Variants in AGAP1 observed in about 807,000 individuals in gnomAD.
The protein encoded by AGAP1 is ArfGAP with GTPase domain, ankyrin repeat and PH domain 1, also known as arf-GAP with GTPase, ANK repeat and PH domain-containing protein 1.
A neutral mutation model predicts 105.3 loss-of-function variants in AGAP1; 29 were observed. The ratio of observed to expected loss-of-function variants is 0.28; its 90% CI spans 0.21 to 0.38. The LOEUF is 0.38. AGAP1 is among the 10% of genes least tolerant of loss of function. AGAP1 has a pLI of 1.00. For synonymous variants in AGAP1, 509 were observed against 485.9 expected, an observed-to-expected ratio of 1.05 and a Z score of -0.63; for missense variants, 998 against 1,165.1, an observed-to-expected ratio of 0.86 and a Z score of 2.09.
At chr2:235,913,001 C>T (rs190409779) in intron 11 of AGAP1, among the ~76,000 whole-genome samples, 36 of 152,270 alleles carry the variant, frequency 2.4e-4, no homozygotes, top group Non-Finnish European at 7.3e-5. Context: ...TATCTGAGAA[C>T]TCCTTGTATA....
At position 236,014,281 on chromosome 2, in the gene AGAP1, C is replaced by T. The variant is rs1235321014; in HGVS notation, c.1646-22280C>T. Among the ~76,000 whole-genome samples the T allele has an allele frequency of 6.6e-6, 1 of 152,160 alleles. No individual in the cohort carries two copies. Among genetic ancestry groups the T allele is most frequent in the Admixed American group, 6.5e-5 (1 of 15,274 alleles). On this transcript the variant is annotated intron_variant, in intron 13 of 17. Coordinates refer to ENST00000304032, the MANE Select transcript of AGAP1 (RefSeq NM_001037131.3). This position sits in a 1 kb window ranked among gnomAD's most constrained non-coding sequence, Gnocchi z 6.3. ...TTGCTGCTGTAGGTATTGCCTGAAT[C>T]AAAATCTGTCTCGGGAAGACAACTT...
rs1944014496 is a variant in AGAP1, at chr2:235,557,626, T to G, written c.163+62777T>G. On this transcript the variant is annotated intron_variant, in intron 1 of 17. Transcript: ENST00000304032. The surrounding 1 kb of genome is among the most constrained non-coding windows in gnomAD (Gnocchi z 4.7). ...AGAAGCCCACTTAATCCTTCCAGCA[T>G]CCTGTCCTAGAACTTTCCCTGCTGT... Among the ~76,000 whole-genome samples the G allele has an allele frequency of 6.6e-6, 1 of 152,190 alleles. No individual in the cohort carries two copies. Among genetic ancestry groups the G allele is most frequent in the Non-Finnish European group, 1.5e-5 (1 of 68,026 alleles).
At chr2:235,677,078 T>A (rs1948781315) in intron 1 of AGAP1, among the ~76,000 whole-genome samples, 2 of 152,224 alleles carry the variant, frequency 1.3e-5, no homozygotes, top group South Asian at 4.1e-4. Context: ...GAACTGTGTT[T>A]CCCATCGTTG....
chr2:235,510,373 T>G (rs1482448527), intron 1 of AGAP1, among the ~76,000 whole-genome samples: 1 of 152,240 alleles, frequency 6.6e-6, no homozygotes, highest in African/African-American at 2.4e-5. Flanking sequence ...GTTACATATA[T>G]CCATAGCTTT....
At chr2:236,098,822 C>A (rs1259424767) in intron 16 of AGAP1, among the ~76,000 whole-genome samples, 1 of 151,694 alleles carries the variant, frequency 6.6e-6, no homozygotes, top group South Asian at 2.1e-4. Flanking sequence ...AACAGGGTCT[C>A]ATATTGACCA....
At chr2:236,029,684 TTTTC>T (rs1414876489) in intron 13 of AGAP1, among the ~76,000 whole-genome samples, 3 of 152,034 alleles carry the variant, frequency 2.0e-5, no homozygotes, top group Non-Finnish European at 4.4e-5. Context: ...CTTTCCTTCT[TTTTC>T]TTTTTCTTTT....
chr2:236,065,799 C>T (rs1163072381), intron 16 of AGAP1, among the ~76,000 whole-genome samples: 1 of 152,200 alleles, frequency 6.6e-6, no homozygotes, highest in African/African-American at 2.4e-5. Flanking sequence ...GCCTTAGGAC[C>T]CACCATCTAG....
At chr2:235,530,533 C>T (rs536994637) in intron 1 of AGAP1, among the ~76,000 whole-genome samples, 107 of 152,280 alleles carry the variant, frequency 7.0e-4, no homozygotes, top group African/African-American at 2.3e-3. Flanking sequence ...GAATTTGTTT[C>T]CTTGCTTTTT....
At position 235,954,196 on chromosome 2, in the gene AGAP1, G is replaced by A. The variant is rs141972486; in HGVS notation, c.1484-14266G>A. Among the ~76,000 whole-genome samples, 123 of 149,676 alleles carry A rather than the reference G, an allele frequency of 8.2e-4. 3 individuals are homozygous for A. In the East Asian group the frequency reaches 0.021, roughly 25 times the overall value. On this transcript the variant is annotated intron_variant, in intron 12 of 17. Coordinates refer to ENST00000304032, the MANE Select transcript of AGAP1 (RefSeq NM_001037131.3). ...AGAAGTTGCGGTGAGCCGAGGTCAC[G>A]CCATTGCACCCAGTGTGTGTGATAA...
chr2:236,023,476 G>C (rs1037799156), intron 13 of AGAP1, among the ~76,000 whole-genome samples: 1 of 152,094 alleles, frequency 6.6e-6, no homozygotes, highest in African/African-American at 2.4e-5. Flanking sequence ...TGTTAATAGG[G>C]GAAAAAGAAA....
intron 6 of AGAP1, among the ~76,000 whole-genome samples, chr2:235,755,649 T>G (rs2149743346): frequency 6.6e-6 from 1 of 152,354 alleles, no homozygotes; most frequent in African/African-American, 2.4e-5. Flanking sequence ...CCATGTTGGC[T>G]AGGCTGGTCT....
rs371095311 is a variant in AGAP1, at chr2:236,040,719, C to T, written c.1801-32C>T. 337 of 1,609,434 alleles carry T rather than the reference C, an allele frequency of 2.1e-4. 2 individuals carry two copies. Among genetic ancestry groups the T allele is most frequent in the Middle Eastern group, 4.3e-4 (2 of 4,646 alleles). The stretch of plus-strand genomic sequence containing the variant: ...ATGTGCGTTTCTCCCGGGGTGCTTA[C>T]GCCTTGTATTTGTGTCTTCCTCCGT... On this transcript the variant is annotated intron_variant, in intron 14 of 17. Coordinates refer to ENST00000304032, the MANE Select transcript of AGAP1 (RefSeq NM_001037131.3). The surrounding 1 kb of genome is among the most constrained non-coding windows in gnomAD (Gnocchi z 5.6).
At chr2:235,926,786 G>A (rs937216217) in intron 11 of AGAP1, among the ~76,000 whole-genome samples, 1 of 152,204 alleles carries the variant, frequency 6.6e-6, no homozygotes, top group Non-Finnish European at 1.5e-5. Context: ...GTTGAGTGCA[G>A]TGGGGTGTGG....
At chr2:235,898,296 C>G (rs1055577253) in intron 10 of AGAP1, among the ~76,000 whole-genome samples, 7 of 152,110 alleles carry the variant, frequency 4.6e-5, no homozygotes, top group Non-Finnish European at 1.5e-5. Context: ...TTGTTTTTCC[C>G]CCTTCTTTTT....
chr2:235,547,356 C>CTTTT (rs565421160), intron 1 of AGAP1, among the ~76,000 whole-genome samples: 2 of 135,454 alleles, frequency 1.5e-5, no homozygotes, highest in Non-Finnish European at 1.6e-5. Flanking sequence ...CTTACATTGA[C>CTTTT]TTTTTTTTTT....
In AGAP1 at chr2:236,078,158, GT is replaced by G. The variant is rs1229966906; in HGVS notation, c.2114+28878del. Among the ~76,000 whole-genome samples, 4 of 147,472 alleles carry G rather than the reference GT, an allele frequency of 2.7e-5. No homozygotes were observed. The highest frequency in any genetic ancestry group is 1.0e-4 in the African/African-American group (4 of 38,846). On this transcript the variant is annotated intron_variant, in intron 16 of 17. Coordinates refer to ENST00000304032, the MANE Select transcript of AGAP1 (RefSeq NM_001037131.3). The surrounding 1 kb of genome is among the most constrained non-coding windows in gnomAD (Gnocchi z 5.3). ...TGTGTAGGGCAGGCCAGCCGGGGGT[GT>G]GTGTGTGTGTGTGTGTATATGTATG...
intron 1 of AGAP1, among the ~76,000 whole-genome samples, chr2:235,530,890 C>G (rs1160423521): frequency 6.6e-6 from 1 of 152,118 alleles, no homozygotes; most frequent in African/African-American, 2.4e-5. Context: ...CTGTGTTTCT[C>G]CTGAGGGCTG....
chr2:235,709,772 A>G (rs1950747753), intron 2 of AGAP1, among the ~76,000 whole-genome samples: 1 of 152,224 alleles, frequency 6.6e-6, no homozygotes, highest in Non-Finnish European at 1.5e-5. Flanking sequence ...CGGTGAAATT[A>G]TGTAGAGCTT....
At chr2:235,870,226 G>A (rs918956107) in intron 9 of AGAP1, among the ~76,000 whole-genome samples, 2 of 152,218 alleles carry the variant, frequency 1.3e-5, no homozygotes, top group Non-Finnish European at 2.9e-5. Flanking sequence ...CCAGGTACAC[G>A]TGGATGAGGT....
Sources: allele counts gnomAD v4.1 joint callset (sites outside exome capture counted in the v4.1 genomes callset), GRCh38; gene constraint gnomAD v4.1.1; non-coding constraint Gnocchi (gnomAD v3.1); transcripts MANE v1.5; gene names NCBI Gene and HGNC (gene_info 2026-07-23, HGNC 2026-07-21).